The following MOCS1 variants were observed in gnomAD, a reference collection of about 807,000 sequenced individuals.
MOCS1 encodes the protein molybdenum cofactor synthesis 1.
In MOCS1, 39 loss-of-function variants were observed where a neutral mutation model predicts 57.6. The observed-to-expected ratio is 0.68, with a 90% CI of 0.52 to 0.88. The LOEUF (loss-of-function observed/expected upper bound fraction) is 0.88, where lower values mean the gene tolerates loss of function less well. Ranked by LOEUF, MOCS1 falls within the 40% of genes least tolerant of loss-of-function variation. The pLI, the probability that MOCS1 is intolerant of heterozygous loss-of-function variation, is 0.00. For missense variants in MOCS1, 795 were observed against 831.1 expected, an observed-to-expected ratio of 0.96 and a Z score of 0.53; for synonymous variants, 334 against 335.7, an observed-to-expected ratio of 1.00 and a Z score of 0.05.
intron 1 of MOCS1, chr6:39,927,761 C>T: frequency 6.7e-7 from 1 of 1,484,556 alleles, no homozygotes; most frequent in Non-Finnish European, 8.9e-7. Flanking sequence ...TCTATTAGCC[C>T]TTATTCTTCA....
chr6:39,920,419 G>A (rs7772587), intron 3 of MOCS1, among the ~76,000 whole-genome samples: 9 of 152,164 alleles, frequency 5.9e-5, no homozygotes, highest in African/African-American at 2.2e-4. Context: ...TCCACCGCTA[G>A]AGAAACTGTA....
Position 39,907,109 on chromosome 6 carries a change from A to G in MOCS1, c.1159T>C (p.Leu387=). 6.2e-7 allele frequency: 1 copy of G among 1,611,004 alleles called. No homozygotes were observed. The highest frequency in any genetic ancestry group is 1.1e-5 in the South Asian group (1 of 90,646). ...GCTGGTGGGGAATTGGGGAACATCA[A>G]AAATAACTCTGCAAGGCAAGAAGAA... ...NRPMILIELF[L]MFPNSPPANP... Residue 387 remains leucine, a synonymous_variant, in exon 11 of 11, where the codon TTG becomes CTG. Transcript: ENST00000340692.
chr6:39,924,401 C>T (rs989995489), intron 3 of MOCS1, among the ~76,000 whole-genome samples: 1 of 152,236 alleles, frequency 6.6e-6, no homozygotes, highest in African/African-American at 2.4e-5. Flanking sequence ...AAACCTGCTC[C>T]AGCAACCTGA....
intron 1 of MOCS1, among the ~76,000 whole-genome samples, chr6:39,933,661 A>G (rs1292539558): frequency 6.6e-6 from 1 of 152,216 alleles, no homozygotes; most frequent in Non-Finnish European, 1.5e-5. Flanking sequence ...GGTGCTGGCA[A>G]GGACTGAGGG....
chr6:39,932,820 C>T lies in MOCS1; in HGVS notation c.123+1475G>A, dbSNP rs149952005. ...TGTTCTAAGTATATACGTTAACATA[C>T]GTTAACTCTTTTAATCCCTGTGACA... On this transcript the variant is annotated intron_variant, in intron 1 of 10. Coordinates refer to ENST00000340692, the MANE Select transcript of MOCS1 (RefSeq NM_001358530.2). 7.9e-5 allele frequency among the ~76,000 whole-genome samples: 12 copies of T among 152,350 alleles called. No individual in the cohort carries two copies. In the East Asian group the frequency reaches 1.7e-3, roughly 22 times the overall value.
intron 3 of MOCS1, among the ~76,000 whole-genome samples, chr6:39,919,883 AG>A (rs1767869108): frequency 6.6e-6 from 1 of 152,196 alleles, no homozygotes; most frequent in Admixed American, 6.5e-5. Flanking sequence ...TGAAGAACGA[AG>A]GTAGGTGATC....
chr6:39,917,675 G>A (rs1767739387), intron 3 of MOCS1, among the ~76,000 whole-genome samples: 1 of 152,148 alleles, frequency 6.6e-6, no homozygotes, highest in Non-Finnish European at 1.5e-5. Context: ...TCCCCAAATA[G>A]AAGAATGAAA....
At chr6:39,930,675 AAGATTCTAGCTCAATCT>A (rs1768599612) in intron 1 of MOCS1, among the ~76,000 whole-genome samples, 1 of 152,128 alleles carries the variant, frequency 6.6e-6, no homozygotes, top group South Asian at 2.1e-4. Context: ...ATCTGTCCCA[AAGATTCTAGCTCAATCT>A]AGTGCCTCAG....
intron 1 of MOCS1, 35 bp downstream of exon 1, chr6:39,934,260 C>T (rs769159701): frequency 3.9e-5 from 59 of 1,516,432 alleles, no homozygotes; most frequent in East Asian, 7.2e-5. Flanking sequence ...CACTCCTGCC[C>T]CGGGAAGCTG....
chr6:39,907,989 G>A (rs1418615221), intron 10 of MOCS1, among the ~76,000 whole-genome samples: 1 of 152,256 alleles, frequency 6.6e-6, no homozygotes, highest in Admixed American at 6.5e-5. Context: ...CCCCAGACAT[G>A]TCAATGTCAG....
Position 39,924,606 on chromosome 6 carries a change from AAC to A in MOCS1, c.418+1070_418+1071del, listed in dbSNP as rs1336650022. Among the ~76,000 whole-genome samples, 69 of 152,330 alleles carry A rather than the reference AAC, an allele frequency of 4.5e-4. 1 individual carries two copies. Among genetic ancestry groups the A allele is most frequent in the South Asian group, 8.3e-4 (4 of 4,830 alleles). ...TTTCTACTTGGCTGGCCAGCTTTGC[AAC>A]ACAGTCTTTGTCAACACCATGCAAC... is the stretch of plus-strand genomic sequence containing the variant. On this transcript the variant is annotated intron_variant, in intron 3 of 10. Coordinates refer to ENST00000340692, the MANE Select transcript of MOCS1 (RefSeq NM_001358530.2).
intron 4 of MOCS1, 49 bp from the exon 5 acceptor site, chr6:39,913,884 C>T (rs368716871): frequency 2.6e-6 from 4 of 1,548,956 alleles, no homozygotes; most frequent in Non-Finnish European, 3.6e-6. Context: ...CTCTCCTCTT[C>T]CCCCACACCC....
intron 6 of MOCS1, 78 bp from the exon 7 acceptor site, chr6:39,913,082 C>T (rs948571717): frequency 1.8e-6 from 2 of 1,123,430 alleles, no homozygotes; most frequent in Non-Finnish European, 2.7e-6. Context: ...GAGTCCATCC[C>T]CTGCCACAGC....
chr6:39,919,265 A>T (rs2149410738), intron 3 of MOCS1, among the ~76,000 whole-genome samples: 1 of 152,294 alleles, frequency 6.6e-6, no homozygotes, highest in East Asian at 1.9e-4. Context: ...CAGGTGGATC[A>T]CTTGAGGTCA....
At chr6:39,909,282 A>G (rs1582804462) in intron 9 of MOCS1, among the ~76,000 whole-genome samples, 180 bp from the exon 10 acceptor site, 1 of 15,450 alleles carries the variant, frequency 6.5e-5, no homozygotes. Flanking sequence ...GGGAGAGGAA[A>G]GCAGGGGAGG....
intron 1 of MOCS1, among the ~76,000 whole-genome samples, chr6:39,929,939 CA>C (rs397948587): frequency 0.35 from 33,570 of 96,490 alleles, 3,930 homozygotes; most frequent in South Asian, 0.47. Flanking sequence ...GAGATTCTCT[CA>C]AAAAAAAAAA....
At chr6:39,923,167 G>A (rs2149415918) in intron 3 of MOCS1, among the ~76,000 whole-genome samples, 1 of 152,334 alleles carries the variant, frequency 6.6e-6, no homozygotes, top group Non-Finnish European at 1.5e-5. Context: ...GCAGGTCACT[G>A]CAAGCGGGGC....
In MOCS1 at chr6:39,906,350, G is replaced by C; in HGVS notation, c.*7C>G. On this transcript the variant is annotated 3_prime_UTR_variant, in exon 11 of 11. Transcript: ENST00000340692. The stretch of plus-strand genomic sequence containing the variant: ...CCTGGGTGGGCCATGGGTGAGAAGG[G>C]CAGGTGCTAAGCCCGATGGAAGTCC... The C allele has an allele frequency of 6.3e-7, 1 of 1,597,152 alleles. No individual in the cohort carries two copies. The highest frequency in any genetic ancestry group is 8.6e-7 in the Non-Finnish European group (1 of 1,168,810).
At position 39,905,905 on chromosome 6, in the gene MOCS1, A is replaced by T; in HGVS notation, c.*452T>A. ...GGGGAGAAGTTGGGATCCATTCTTC[A>T]GGCAAGCTTGTGCTTTGCTCTCCTC... is the stretch of plus-strand genomic sequence containing the variant. On this transcript the variant is annotated 3_prime_UTR_variant, in exon 11 of 11. Transcript: ENST00000340692. 2.1e-6 allele frequency: 1 copy of T among 468,720 alleles called. No individual in the cohort carries two copies. The allele number at this position is 468,720 out of a possible 1,614,324, so 29.0% of individuals were successfully genotyped here.
Sources: gnomAD v4.1 joint callset for allele counts (sites outside exome capture counted in the v4.1 genomes callset) on GRCh38, gnomAD v4.1.1 for gene constraint, MANE v1.5 for transcripts, NCBI Gene and HGNC (gene_info 2026-07-23, HGNC 2026-07-21) for gene names.